SIPA1L1: variants seen among roughly 807,000 people sequenced by gnomAD.
The protein encoded by SIPA1L1 is signal induced proliferation associated 1 like 1, also known as signal-induced proliferation-associated 1-like protein 1.
A neutral mutation model predicts 162.7 loss-of-function variants in SIPA1L1; 26 were observed. That is an observed-to-expected ratio of 0.16 (90% CI 0.12 to 0.22). The LOEUF (loss-of-function observed/expected upper bound fraction) is 0.22. Among genes scored for constraint, SIPA1L1 ranks in the 10% least tolerant of loss-of-function variants. SIPA1L1 has a pLI of 1.00. For missense variants in SIPA1L1, 1,874 were observed against 2,241.0 expected, an observed-to-expected ratio of 0.84 and a Z score of 3.31; for synonymous variants, 829 against 837.4, an observed-to-expected ratio of 0.99 and a Z score of 0.17.
At chr14:71,530,857 T>C (rs1195300395) in intron 4 of SIPA1L1, among the ~76,000 whole-genome samples, 3 of 152,250 alleles carry the variant, frequency 2.0e-5, no homozygotes, top group African/African-American at 7.2e-5. Context: ...AGATGCTATG[T>C]GCATTTATTA....
intron 3 of SIPA1L1, among the ~76,000 whole-genome samples, chr14:71,513,091 C>T (rs997587772): frequency 2.0e-5 from 3 of 152,186 alleles, no homozygotes; most frequent in Admixed American, 6.5e-5. Context: ...ACCTTGGGCA[C>T]GTATTCTCAG....
intron 5 of SIPA1L1, among the ~76,000 whole-genome samples, chr14:71,605,628 G>A (rs1241144808): frequency 2.0e-5 from 3 of 152,170 alleles, no homozygotes; most frequent in South Asian, 2.1e-4. Flanking sequence ...TCTGTATAAT[G>A]TCTTTGTCTG....
chr14:71,652,055 G>A (rs2042665931), intron 8 of SIPA1L1, among the ~76,000 whole-genome samples: 1 of 152,042 alleles, frequency 6.6e-6, no homozygotes, highest in African/African-American at 2.4e-5. Context: ...CATATTTCCT[G>A]AGAAGGATTC....
At chr14:71,523,015 A>G (rs1330371497) in intron 3 of SIPA1L1, among the ~76,000 whole-genome samples, 1 of 151,724 alleles carries the variant, frequency 6.6e-6, no homozygotes. Context: ...TTTGAGAAAC[A>G]CTCTGGGTAA....
chr14:71,574,719 A>G (rs888785124), intron 4 of SIPA1L1: 14 of 135,688 alleles, frequency 1.0e-4, no homozygotes, highest in African/African-American at 3.6e-4. Flanking sequence ...AAAAAAAAAA[A>G]GACTTCCTGC....
rs2041459124 is a variant in SIPA1L1, at chr14:71,399,109, G to A, written c.-465+77928G>A. Among the ~76,000 whole-genome samples, 3 of 152,152 alleles carry A rather than the reference G, an allele frequency of 2.0e-5. No individual in the cohort carries two copies. In the South Asian group the frequency reaches 6.2e-4, roughly 31 times the overall value. On this transcript the variant is annotated intron_variant, in intron 2 of 23. Transcript: ENST00000381232. ...TAAGGAAACACACAGCTGAAATGAT[G>A]TCATTTAGGACTGACCACTATGATG...
At chr14:71,441,357 A>G (rs541314500) in intron 2 of SIPA1L1, among the ~76,000 whole-genome samples, 3 of 152,328 alleles carry the variant, frequency 2.0e-5, no homozygotes, top group East Asian at 1.9e-4. Flanking sequence ...GCTGGCTTCC[A>G]TAGTCCCAGA....
At chr14:71,467,497 A>G (rs1040737588) in intron 2 of SIPA1L1, among the ~76,000 whole-genome samples, 1 of 152,214 alleles carries the variant, frequency 6.6e-6, no homozygotes, top group Non-Finnish European at 1.5e-5. Flanking sequence ...AAATCTAAGC[A>G]TTATGTAGAA....
Position 71,588,481 on chromosome 14 carries a change from C to T in SIPA1L1, c.609C>T (p.His203=). The change falls in exon 5 of 24, where the codon CAC becomes CAT. Residue 203 remains histidine (H), a synonymous_variant. Coordinates refer to ENST00000381232, the MANE Select transcript of SIPA1L1 (RefSeq NM_001386936.1). This position sits in a 1 kb window ranked among gnomAD's most constrained non-coding sequence, Gnocchi z 4.3. ...SPTYKTGPSL[H]REYGSTSSID... Reference sequence around the variant, plus strand: ...CATACAAGACTGGACCATCACTGCACAGGGAATATGGTAGCACATCTTCAA... The same window carrying T: ...CATACAAGACTGGACCATCACTGCATAGGGAATATGGTAGCACATCTTCAA... 1.2e-6 allele frequency: 2 copies of T among 1,614,130 alleles called. No homozygotes were observed. Among genetic ancestry groups the T allele is most frequent in the Non-Finnish European group, 8.5e-7 (1 of 1,179,988 alleles).
intron 2 of SIPA1L1, among the ~76,000 whole-genome samples, chr14:71,365,109 C>T (rs2038166881): frequency 6.6e-6 from 1 of 152,084 alleles, no homozygotes; most frequent in Admixed American, 6.5e-5. Flanking sequence ...TCACTGCAGC[C>T]TTGACCTTTT....
At chr14:71,339,464 G>C (rs1457441962) in intron 2 of SIPA1L1, among the ~76,000 whole-genome samples, 6 of 151,656 alleles carry the variant, frequency 4.0e-5, no homozygotes, top group African/African-American at 1.5e-4. Flanking sequence ...CTGGGTTCAA[G>C]TGATTCTCCT....
chr14:71,472,511 C>G (rs956610786), intron 2 of SIPA1L1, among the ~76,000 whole-genome samples: 1 of 151,892 alleles, frequency 6.6e-6, no homozygotes, highest in Non-Finnish European at 1.5e-5. Context: ...GTGCTATACT[C>G]TAATAAAAAG....
In SIPA1L1 at chr14:71,720,713, A is replaced by G. The variant is rs118018275; in HGVS notation, c.4209-2934A>G. ...ACTAGTTCTTCCTTCTGCTTGATCA[A>G]TTCCGCTGTTGAGAAACTGATACAT... On this transcript the variant is annotated intron_variant, in intron 17 of 23. Transcript: ENST00000381232. Among the ~76,000 whole-genome samples the G allele has an allele frequency of 8.4e-4, 128 of 152,032 alleles. 2 individuals are homozygous for G. In the East Asian group the frequency reaches 0.018, roughly 21 times the overall value.
chr14:71,523,932 T>A (rs185205812), intron 3 of SIPA1L1, among the ~76,000 whole-genome samples: 2 of 152,332 alleles, frequency 1.3e-5, no homozygotes, highest in Non-Finnish European at 2.9e-5. Flanking sequence ...CAGGCTCACC[T>A]GATATTTTCC....
intron 2 of SIPA1L1, among the ~76,000 whole-genome samples, chr14:71,511,939 TA>T (rs1007785225): frequency 1.1e-4 from 16 of 152,164 alleles, no homozygotes; most frequent in African/African-American, 3.9e-4. Context: ...CCTCCTCCCT[TA>T]CCCCACGATA....
chr14:71,434,015 T>TG (rs2141018462), intron 2 of SIPA1L1, among the ~76,000 whole-genome samples: 1 of 152,370 alleles, frequency 6.6e-6, no homozygotes, highest in East Asian at 1.9e-4. Flanking sequence ...TCCTTTGCTT[T>TG]TCTCTTCCAT....
chr14:71,553,791 C>A (rs556035041), intron 4 of SIPA1L1, among the ~76,000 whole-genome samples: 77 of 152,210 alleles, frequency 5.1e-4, no homozygotes, highest in Non-Finnish European at 9.3e-4. Context: ...AAACAAATAT[C>A]AGAATGTATG....
chr14:71,577,730 CTTT>C (rs5809525), intron 4 of SIPA1L1, among the ~76,000 whole-genome samples: 2 of 97,156 alleles, frequency 2.1e-5, no homozygotes, highest in South Asian at 7.0e-4. Flanking sequence ...TTGGGCATGC[CTTT>C]TTTTTTTTTT....
intron 3 of SIPA1L1, 87 bp from the exon 4 acceptor site, chr14:71,529,225 A>G (rs2145257574): frequency 4.5e-6 from 2 of 446,240 alleles, no homozygotes; most frequent in South Asian, 6.4e-5. Context: ...TAGAACAAAG[A>G]TAAGACCTGT....
Sources: gnomAD v4.1 joint callset for allele counts (sites outside exome capture counted in the v4.1 genomes callset) on GRCh38, gnomAD v4.1.1 for gene constraint, Gnocchi (gnomAD v3.1) non-coding constraint, MANE v1.5 for transcripts, NCBI Gene and HGNC (gene_info 2026-07-23, HGNC 2026-07-21) for gene names.